CRY2: variants seen among roughly 807,000 people sequenced by gnomAD.
CRY2 encodes the protein cryptochrome circadian regulator 2, also known as cryptochrome-2.
In CRY2, 31 loss-of-function variants were observed where a neutral mutation model predicts 69.5. That is an observed-to-expected ratio of 0.45 (90% CI 0.34 to 0.60). The LOEUF (loss-of-function observed/expected upper bound fraction) is 0.60, where lower values mean the gene tolerates loss of function less well. Ranked by LOEUF, CRY2 falls within the 20% of genes least tolerant of loss-of-function variation. The pLI, the probability that CRY2 is intolerant of heterozygous loss-of-function variation, is 0.02. For missense variants in CRY2, 606 were observed against 797.8 expected, an observed-to-expected ratio of 0.76 and a Z score of 2.90; for synonymous variants, 303 against 312.2, an observed-to-expected ratio of 0.97 and a Z score of 0.31.
intron 9 of CRY2, 69 bp downstream of exon 9, chr11:45,870,601 G>T: frequency 1.3e-6 from 2 of 1,553,288 alleles, no homozygotes; most frequent in Non-Finnish European, 1.8e-6. Flanking sequence ...GCCAGATGGG[G>T]ATGTCCAGAT....
At chr11:45,871,301 C>T (rs964862466) in intron 10 of CRY2, among the ~76,000 whole-genome samples, 4 of 152,130 alleles carry the variant, frequency 2.6e-5, no homozygotes, top group African/African-American at 9.7e-5. Context: ...CAAACAGTAC[C>T]GAGCTTAGTC....
intron 11 of CRY2, among the ~76,000 whole-genome samples, chr11:45,872,655 C>G (rs2086395334): frequency 6.6e-6 from 1 of 152,150 alleles, no homozygotes; most frequent in Admixed American, 6.5e-5. Context: ...AAAAATCCCA[C>G]CATTCTGACT....
intron 4 of CRY2, chr11:45,861,241 T>C (rs998378255): frequency 3.2e-5 from 18 of 562,180 alleles, no homozygotes; most frequent in African/African-American, 2.4e-4. Flanking sequence ...TTCATACTCA[T>C]ACATGTAATC....
chr11:45,854,791 A>G (rs1333778419), intron 1 of CRY2, among the ~76,000 whole-genome samples: 6 of 152,232 alleles, frequency 3.9e-5, no homozygotes, highest in Non-Finnish European at 8.8e-5. Context: ...CTTAACAGCT[A>G]TGGTCTTAGA....
intron 5 of CRY2, chr11:45,867,298 A>C: frequency 1.3e-5 from 4 of 301,602 alleles, no homozygotes; most frequent in East Asian, 6.3e-5. Flanking sequence ...TGCTTTCAGA[A>C]TTCTTTCATA....
At chr11:45,849,423 A>G (rs2086176993) in intron 1 of CRY2, among the ~76,000 whole-genome samples, 1 of 152,212 alleles carries the variant, frequency 6.6e-6, no homozygotes, top group Non-Finnish European at 1.5e-5. Flanking sequence ...ACAGCAGTGA[A>G]TAAGCAGATG....
chr11:45,856,089 AG>A lies in CRY2; in HGVS notation c.324+1del. Reference protein sequence around the residue: ...QPADVFPRLFKEWGVTRLTFE... With the variant: ...QPADVFPRLFXEWGVTRLTFE... Reference sequence around the variant, plus strand: ...GCCGACGTGTTCCCAAGGCTGTTCAAGGTAAGCGTGCAGAGCCCCAGAGAAG... The same window carrying A: ...GCCGACGTGTTCCCAAGGCTGTTCAAGTAAGCGTGCAGAGCCCCAGAGAAG... On this transcript the variant is annotated frameshift_variant and splice_region_variant, in exon 2 of 12. Coordinates refer to ENST00000616080, the MANE Select transcript of CRY2 (RefSeq NM_021117.5). LOFTEE classifies it high-confidence loss of function. The A allele has an allele frequency of 1.2e-6, 2 of 1,612,638 alleles. No individual in the cohort carries two copies. The highest frequency in any genetic ancestry group is 1.7e-6 in the Non-Finnish European group (2 of 1,178,670).
chr11:45,869,999 A>G (rs2086364040), intron 7 of CRY2, 54 bp from the exon 8 acceptor site: 1 of 1,541,862 alleles, frequency 6.5e-7, no homozygotes, highest in Non-Finnish European at 8.7e-7. Context: ...GTGACTTGGG[A>G]AAAAACATGG....
At chr11:45,880,210 G>A (rs1172505202) in intron 11 of CRY2, among the ~76,000 whole-genome samples, 1 of 152,160 alleles carries the variant, frequency 6.6e-6, no homozygotes, top group East Asian at 1.9e-4. Context: ...ATGGGACGCT[G>A]TGTGTCTCTG....
intron 11 of CRY2, among the ~76,000 whole-genome samples, chr11:45,874,070 T>C (rs1248191100): frequency 6.6e-6 from 1 of 151,950 alleles, no homozygotes; most frequent in African/African-American, 2.4e-5. Context: ...TCACCTGAGG[T>C]TGGGGGTTCG....
At position 45,872,243 on chromosome 11, in the gene CRY2, A is replaced by G; in HGVS notation, c.*2+10A>G. ...GCAAGGATGCCTGAGAGTGAGTGAC[A>G]GCAGCCTAGATTCAACCTCAGGAAG... On this transcript the variant is annotated intron_variant, in intron 11 of 11. Transcript: ENST00000616080. The G allele has an allele frequency of 6.2e-7, 1 of 1,613,272 alleles. No homozygotes were observed. The highest frequency in any genetic ancestry group is 8.5e-7 in the Non-Finnish European group (1 of 1,179,396).
intron 11 of CRY2, among the ~76,000 whole-genome samples, chr11:45,880,451 A>T (rs2086462592): frequency 6.6e-6 from 1 of 152,136 alleles, no homozygotes; most frequent in South Asian, 2.1e-4. Flanking sequence ...AAATGTGCTC[A>T]CCTGCTGATT....
In CRY2 at chr11:45,882,926, T is replaced by C. The variant is rs6798; in HGVS notation, c.*2015T>C. On this transcript the variant is annotated 3_prime_UTR_variant, in exon 12 of 12. Coordinates refer to ENST00000616080, the MANE Select transcript of CRY2 (RefSeq NM_021117.5). ...CTACTTCTCCACCATCCCTAGCATG[T>C]CAGCCCGTTCCCAGATCAACCTGCC... 329,995 of 389,632 alleles carry C rather than the reference T, an allele frequency of 0.85. 142,917 individuals are homozygous for C. Among genetic ancestry groups the C allele is most frequent in the Non-Finnish European group, 0.9 (199,031 of 220,996 alleles). The allele number at this position is 389,632 out of a possible 1,614,324, so 24.1% of individuals were successfully genotyped here.
intron 7 of CRY2, 69 bp downstream of exon 7, chr11:45,869,886 C>T: frequency 6.5e-7 from 1 of 1,533,400 alleles, no homozygotes; most frequent in Non-Finnish European, 8.8e-7. Flanking sequence ...CAGCCCCCTT[C>T]TGGGCTGAGG....
chr11:45,880,406 C>T (rs1349401687), intron 11 of CRY2, among the ~76,000 whole-genome samples: 7 of 152,288 alleles, frequency 4.6e-5, no homozygotes, highest in Middle Eastern at 3.4e-3. Flanking sequence ...CACAATCTTC[C>T]AGCACTGTGC....
At chr11:45,860,712 A>T in intron 3 of CRY2, 136 bp from the exon 4 acceptor site, 1 of 904,528 alleles carries the variant, frequency 1.1e-6, no homozygotes, top group Non-Finnish European at 1.7e-6. Flanking sequence ...CCTCCTTTCC[A>T]CTCAGGCATG....
chr11:45,866,801 G>C (rs1431970348), intron 5 of CRY2, among the ~76,000 whole-genome samples: 1 of 152,086 alleles, frequency 6.6e-6, no homozygotes, highest in East Asian at 1.9e-4. Context: ...GTGGAAATAG[G>C]CCGGGCACAG....
At chr11:45,878,112 C>G (rs1197021677) in intron 11 of CRY2, among the ~76,000 whole-genome samples, 1 of 152,198 alleles carries the variant, frequency 6.6e-6, no homozygotes, top group Non-Finnish European at 1.5e-5. Flanking sequence ...GGCATTGGTT[C>G]TTAAACCCTG....
chr11:45,873,801 C>T (rs1265955292), intron 11 of CRY2, among the ~76,000 whole-genome samples: 6 of 152,162 alleles, frequency 3.9e-5, no homozygotes, highest in African/African-American at 1.2e-4. Flanking sequence ...TGGTCTGGAA[C>T]AATCAGGGAA....
Sources: gnomAD v4.1 joint callset for allele counts (sites outside exome capture counted in the v4.1 genomes callset) on GRCh38, gnomAD v4.1.1 for gene constraint, MANE v1.5 for transcripts, NCBI Gene and HGNC (gene_info 2026-07-23, HGNC 2026-07-21) for gene names.